NFIA: variants seen among roughly 807,000 people sequenced by gnomAD.
NFIA encodes the protein nuclear factor I A.
Under a neutral mutation model 62.8 loss-of-function variants are expected in NFIA, and 8 were observed. The observed-to-expected ratio is 0.13, with a 90% CI of 0.07 to 0.23. NFIA has a LOEUF of 0.23. Ranked by LOEUF, NFIA falls within the 10% of genes least tolerant of loss-of-function variation. The pLI is 1.00. For synonymous variants in NFIA, 235 were observed against 238.1 expected, an observed-to-expected ratio of 0.99 and a Z score of 0.12; for missense variants, 410 against 642.1, an observed-to-expected ratio of 0.64 and a Z score of 3.91.
chr1:61,366,743 T>C (rs1481551166), intron 6 of NFIA, among the ~76,000 whole-genome samples: 1 of 152,006 alleles, frequency 6.6e-6, no homozygotes, highest in Non-Finnish European at 1.5e-5. Context: ...GCCAACATGG[T>C]GAGACCCCAT....
At chr1:61,139,094 C>T (rs1570245335) in intron 2 of NFIA, among the ~76,000 whole-genome samples, 1 of 152,104 alleles carries the variant, frequency 6.6e-6, no homozygotes, top group African/African-American at 2.4e-5. Context: ...ACAAGAACTG[C>T]TTGAACCCGG....
intron 2 of NFIA, among the ~76,000 whole-genome samples, chr1:61,181,659 T>C (rs1650769629): frequency 6.6e-6 from 1 of 152,194 alleles, no homozygotes; most frequent in Admixed American, 6.5e-5. Context: ...ATGGCTGTGA[T>C]AGAACTGATG....
At chr1:61,181,218 T>C (rs935704584) in intron 2 of NFIA, among the ~76,000 whole-genome samples, 8 of 152,344 alleles carry the variant, frequency 5.3e-5, no homozygotes, top group Middle Eastern at 6.8e-3. Context: ...TGAATTAGAC[T>C]GGCAATCCCC....
chr1:61,361,596 G>A (rs1663293593), intron 6 of NFIA, among the ~76,000 whole-genome samples: 1 of 152,074 alleles, frequency 6.6e-6, no homozygotes, highest in East Asian at 1.9e-4. Flanking sequence ...TGGGTATATT[G>A]GGGGCTGTGG....
chr1:61,199,018 C>G (rs998917051), intron 2 of NFIA, among the ~76,000 whole-genome samples: 1 of 152,138 alleles, frequency 6.6e-6, no homozygotes, highest in African/African-American at 2.4e-5. Context: ...CTCCAATTCT[C>G]TCACCTCCCA....
At position 61,227,020 on chromosome 1, in the gene NFIA, A is replaced by C. The variant is rs559992719; in HGVS notation, c.560-50500A>C. Among the ~76,000 whole-genome samples the C allele has an allele frequency of 2.6e-5, 4 of 152,326 alleles. No individual in the cohort carries two copies. In the South Asian group the frequency reaches 8.3e-4, roughly 32 times the overall value. ...ACAGCTACACTGACCGGTAACTCTCAAACGCCCATTTTGAATGAGCTCTCC... is the reference window on the plus strand; with the variant it reads ...ACAGCTACACTGACCGGTAACTCTCCAACGCCCATTTTGAATGAGCTCTCC... On this transcript the variant is annotated intron_variant, in intron 2 of 10. Transcript: ENST00000403491.
chr1:61,394,926 A>G (rs748286229), intron 7 of NFIA, among the ~76,000 whole-genome samples: 2 of 152,036 alleles, frequency 1.3e-5, no homozygotes, highest in Non-Finnish European at 2.9e-5. Context: ...CTGGGTGACA[A>G]TGAAACCCCA....
chr1:61,115,536 C>T (rs1355401701), intron 2 of NFIA, among the ~76,000 whole-genome samples: 2 of 152,142 alleles, frequency 1.3e-5, no homozygotes, highest in Non-Finnish European at 1.5e-5. Context: ...AGCAGGGCCT[C>T]GAAGGTTGGC....
intron 2 of NFIA, among the ~76,000 whole-genome samples, chr1:61,256,873 G>A (rs1328411658): frequency 6.6e-6 from 1 of 152,164 alleles, no homozygotes; most frequent in Non-Finnish European, 1.5e-5. Flanking sequence ...CACTGCATGT[G>A]TGTGTGCTTG....
chr1:61,120,124 A>T (rs1224961324), intron 2 of NFIA, among the ~76,000 whole-genome samples: 1 of 152,176 alleles, frequency 6.6e-6, no homozygotes, highest in Admixed American at 6.5e-5. Flanking sequence ...CATTGGTTTA[A>T]ATCTTGTGGT....
At chr1:61,121,062 A>T (rs1222246409) in intron 2 of NFIA, among the ~76,000 whole-genome samples, 17 of 152,212 alleles carry the variant, frequency 1.1e-4, no homozygotes. Flanking sequence ...GGACATTAGG[A>T]AATCAAATTT....
intron 7 of NFIA, among the ~76,000 whole-genome samples, chr1:61,394,511 A>G (rs1297626769): frequency 6.6e-6 from 1 of 152,160 alleles, no homozygotes; most frequent in Non-Finnish European, 1.5e-5. Flanking sequence ...ATTTAAAGAT[A>G]AGAAACTGTA....
At chr1:61,302,064 T>G (rs569207087) in intron 3 of NFIA, among the ~76,000 whole-genome samples, 1 of 152,268 alleles carries the variant, frequency 6.6e-6, no homozygotes, top group Admixed American at 6.5e-5. Context: ...ACAGGGGAGA[T>G]AGTGGTAGGT....
chr1:61,242,437 G>A lies in NFIA; in HGVS notation c.560-35083G>A, dbSNP rs1655403413. The stretch of plus-strand genomic sequence containing the variant: ...GTTTGAACTTAAAAAACAAAGCCTG[G>A]AAAAAAGAATTTTATTTGAACCCTC... On this transcript the variant is annotated intron_variant, in intron 2 of 10. Transcript: ENST00000403491. 3.3e-5 allele frequency among the ~76,000 whole-genome samples: 5 copies of A among 152,022 alleles called. No individual in the cohort carries two copies. The South Asian group carries it at 8.3e-4, about 25-fold the overall frequency.
intron 2 of NFIA, among the ~76,000 whole-genome samples, chr1:61,241,290 T>A (rs2100645486): frequency 6.6e-6 from 1 of 152,252 alleles, no homozygotes; most frequent in East Asian, 1.9e-4. Context: ...CCCTCTGACA[T>A]TGTTTCTTAA....
At chr1:61,081,669 G>T (rs1192056256), upstream of NFIA, 4 of 504,626 alleles carry the variant, frequency 7.9e-6, no homozygotes, top group Non-Finnish European at 1.4e-5. Context: ...GAGGGATAAC[G>T]CTCATTAATC....
intron 2 of NFIA, among the ~76,000 whole-genome samples, chr1:61,128,494 C>T (rs560308744): frequency 3.9e-5 from 6 of 152,048 alleles, no homozygotes; most frequent in African/African-American, 1.2e-4. Context: ...GCTATTAATA[C>T]GTGGGAGGCT....
chr1:61,244,692 G>A (rs1353652652), intron 2 of NFIA, among the ~76,000 whole-genome samples: 1 of 152,132 alleles, frequency 6.6e-6, no homozygotes, highest in Non-Finnish European at 1.5e-5. Context: ...AATTGGTATT[G>A]ATTATTTAAA....
intron 2 of NFIA, among the ~76,000 whole-genome samples, chr1:61,226,509 A>G (rs1444286739): frequency 6.6e-6 from 1 of 152,146 alleles, no homozygotes; most frequent in South Asian, 2.1e-4. Context: ...CTTCTCAGGG[A>G]TTGCAGGGGT....
Sources: gnomAD v4.1 joint callset for allele counts (sites outside exome capture counted in the v4.1 genomes callset) on GRCh38, gnomAD v4.1.1 for gene constraint, MANE v1.5 for transcripts, NCBI Gene and HGNC (gene_info 2026-07-23, HGNC 2026-07-21) for gene names.